Variants in SLC16A4 observed in about 807,000 individuals in gnomAD.
SLC16A4 encodes probable monocarboxylate transporter 5.
In SLC16A4, 39 loss-of-function variants were observed where a neutral mutation model predicts 47.9. That is an observed-to-expected ratio of 0.81 (90% CI 0.63 to 1.06). The LOEUF is 1.06. Ranked by LOEUF, SLC16A4 falls within the 50% of genes least tolerant of loss-of-function variation. The probability of loss-of-function intolerance (pLI) is 0.00; values close to 1 mark genes in which losing one functional copy is unlikely to be tolerated. For missense variants in SLC16A4, 524 were observed against 573.8 expected (o/e 0.91, Z 0.89); for synonymous variants, 189 against 199.9 (o/e 0.95, Z 0.46).
intron 8 of SLC16A4, among the ~76,000 whole-genome samples, chr1:110,366,159 CTT>C (rs902008865): frequency 3.3e-5 from 4 of 122,712 alleles, no homozygotes; most frequent in Non-Finnish European, 5.5e-5. Context: ...CACTCACTCA[CTT>C]TTTTTTTTGT....
intron 2 of SLC16A4, among the ~76,000 whole-genome samples, chr1:110,384,681 C>A (rs1390070238): frequency 6.6e-6 from 1 of 152,164 alleles, no homozygotes; most frequent in Non-Finnish European, 1.5e-5. Flanking sequence ...TTTTCAAGGC[C>A]ACTTCTGCTT....
chr1:110,363,822 A>C lies in SLC16A4; in HGVS notation c.1408T>G (p.Ser470Ala). Residue 470 changes from serine to alanine, a missense_variant, in exon 9 of 9, where the codon TCA becomes GCA. Physicochemically the swap from Ser to Ala is moderately conservative, Grantham distance 99. Coordinates refer to ENST00000369779, the MANE Select transcript of SLC16A4 (RefSeq NM_004696.3). ...AATGGTACAAAAAAAAAGGAAACTG[A>C]AGAGAGGAGATAGCATATGCCAGAG... is the stretch of plus-strand genomic sequence containing the variant. ...YFSGICYLLS[S>A]VSFFFVPLAE... The C allele has an allele frequency of 6.2e-7, 1 of 1,613,048 alleles. No individual in the cohort carries two copies. Among genetic ancestry groups the C allele is most frequent in the Non-Finnish European group, 8.5e-7 (1 of 1,179,602 alleles).
chr1:110,364,039 G>T, intron 8 of SLC16A4, 146 bp from the exon 9 acceptor site: 2 of 692,536 alleles, frequency 2.9e-6, no homozygotes, highest in African/African-American at 1.8e-5. Context: ...ATTTTTCACT[G>T]ATGAAGTTGA....
At chr1:110,380,902 T>G in intron 5 of SLC16A4, 80 bp downstream of exon 5, 1 of 1,305,116 alleles carries the variant, frequency 7.7e-7, no homozygotes, top group Non-Finnish European at 1.1e-6. Context: ...TCTGAAAGTC[T>G]TAACTTCCAT....
Position 110,381,086 on chromosome 1 carries a change from T to C in SLC16A4, c.422A>G (p.Lys141Arg). 1 of 1,614,122 alleles carries C rather than the reference T, an allele frequency of 6.2e-7. No individual in the cohort carries two copies. The highest frequency in any genetic ancestry group is 2.2e-5 in the East Asian group (1 of 44,872). The change falls in exon 5 of 9, where the codon AAA becomes AGA. Residue 141 changes from lysine (K) to arginine (R), a missense_variant. By Grantham distance (26) the Lys-to-Arg change is conservative (BLOSUM62 2). Transcript: ENST00000369779. The part of the protein sequence containing the change: ...VAAVVTTKYF[K>R]KRLALSTAIA... ...AGCTGTAGAAAGAGCCAATCGTTTT[T>C]TGAAGTATTTGGTAGTTACCACAGC...
chr1:110,388,900 G>A (rs561503469), intron 2 of SLC16A4, among the ~76,000 whole-genome samples: 6 of 152,244 alleles, frequency 3.9e-5, no homozygotes, highest in African/African-American at 1.2e-4. Context: ...TGTAGTGATC[G>A]GGTTTCACCA....
At chr1:110,382,413 A>C (rs1441414071) in intron 3 of SLC16A4, among the ~76,000 whole-genome samples, 20 of 152,124 alleles carry the variant, frequency 1.3e-4, no homozygotes, top group East Asian at 1.9e-4. Context: ...GAGCCGAGAT[A>C]GCACCACTGC....
At chr1:110,374,784 G>A (rs1661893058) in intron 8 of SLC16A4, among the ~76,000 whole-genome samples, 1 of 152,180 alleles carries the variant, frequency 6.6e-6, no homozygotes, top group Non-Finnish European at 1.5e-5. Flanking sequence ...TAGAGATGGG[G>A]CCTTTAGGCC....
At chr1:110,390,260 G>C (rs1662968484) in intron 1 of SLC16A4, among the ~76,000 whole-genome samples, 1 of 152,174 alleles carries the variant, frequency 6.6e-6, no homozygotes, top group Non-Finnish European at 1.5e-5. Flanking sequence ...GTTTCTTGGA[G>C]AAGCTGTGCG....
chr1:110,374,012 G>GTTA (rs778873663), intron 8 of SLC16A4, among the ~76,000 whole-genome samples: 21,997 of 149,684 alleles, frequency 0.15, 1,967 homozygotes, highest in East Asian at 0.26. Context: ...TTAGTTTATA[G>GTTA]TCTCCTTCTT....
At chr1:110,375,614 TA>T in intron 7 of SLC16A4, 63 bp from the exon 8 acceptor site, 1 of 882,690 alleles carries the variant, frequency 1.1e-6, no homozygotes, top group Non-Finnish European at 1.9e-6. Flanking sequence ...GACCTATGCC[TA>T]AAAGGGACAA....
intron 7 of SLC16A4, among the ~76,000 whole-genome samples, chr1:110,375,930 AGTGCAGTGGT>A (rs759381796): frequency 2.0e-4 from 30 of 152,094 alleles, no homozygotes; most frequent in Non-Finnish European, 3.5e-4. Context: ...CCCAGAGTGG[AGTGCAGTGGT>A]GTGATCTTGG....
chr1:110,386,877 G>A (rs765369881), intron 2 of SLC16A4, among the ~76,000 whole-genome samples: 18 of 152,148 alleles, frequency 1.2e-4, no homozygotes, highest in Non-Finnish European at 2.2e-4. Flanking sequence ...CTGCTCCACT[G>A]TACTAGCTCT....
At chr1:110,378,685 T>C (rs1304413284) in intron 6 of SLC16A4, among the ~76,000 whole-genome samples, 168 bp downstream of exon 6, 7 of 152,210 alleles carry the variant, frequency 4.6e-5, no homozygotes, top group Admixed American at 3.9e-4. Context: ...CAGAGATCTC[T>C]TCCTGGGAAA....
intron 8 of SLC16A4, among the ~76,000 whole-genome samples, chr1:110,365,851 C>CA (rs1325077792): frequency 6.6e-6 from 1 of 152,066 alleles, no homozygotes; most frequent in Non-Finnish European, 1.5e-5. Context: ...AATTCTTGGA[C>CA]AAAAAGGTAG....
chr1:110,382,744 C>A (rs1662477332), intron 3 of SLC16A4, 90 bp downstream of exon 3: 3 of 1,278,540 alleles, frequency 2.3e-6, no homozygotes, highest in Non-Finnish European at 3.1e-6. Context: ...ATTTTAGAAA[C>A]TGAATTCCTA....
At chr1:110,384,839 C>T (rs527409240) in intron 2 of SLC16A4, among the ~76,000 whole-genome samples, 1 of 152,138 alleles carries the variant, frequency 6.6e-6, no homozygotes, top group South Asian at 2.1e-4. Context: ...GGCGAAACCC[C>T]GTCTCTACAA....
chr1:110,373,479 A>C (rs1404215093), intron 8 of SLC16A4, among the ~76,000 whole-genome samples: 1 of 152,080 alleles, frequency 6.6e-6, no homozygotes, highest in Non-Finnish European at 1.5e-5. Flanking sequence ...CCTATATAAA[A>C]ATTCTGGGCT....
intron 2 of SLC16A4, among the ~76,000 whole-genome samples, chr1:110,384,101 C>G (rs1191199152): frequency 1.3e-5 from 2 of 152,158 alleles, no homozygotes; most frequent in Non-Finnish European, 2.9e-5. Context: ...CCAGATTAGA[C>G]TGACTCTAGA....
Sources: gnomAD v4.1 joint callset for allele counts (sites outside exome capture counted in the v4.1 genomes callset) on GRCh38, gnomAD v4.1.1 for gene constraint, MANE v1.5 for transcripts, NCBI Gene and HGNC (gene_info 2026-07-23, HGNC 2026-07-21) for gene names.